SLC4A5: variants seen among roughly 807,000 people sequenced by gnomAD.
SLC4A5 encodes solute carrier family 4 member 5.
In SLC4A5, 96 loss-of-function variants were observed where a neutral mutation model predicts 120.4. The ratio of observed to expected loss-of-function variants is 0.80; its 90% confidence interval spans 0.68 to 0.94. SLC4A5 has a LOEUF of 0.94. SLC4A5 is among the 40% of genes least tolerant of loss of function. The pLI is 0.00. For synonymous variants in SLC4A5, 550 were observed against 571.1 expected, an observed-to-expected ratio of 0.96 and a Z score of 0.53; for missense variants, 1,259 against 1,459.5, an observed-to-expected ratio of 0.86 and a Z score of 2.24.
At position 74,227,801 on chromosome 2, in the gene SLC4A5, A is replaced by G. The variant is rs1694903147; in HGVS notation, c.2916+9T>C. 6.2e-7 allele frequency: 1 copy of G among 1,603,818 alleles called. No individual in the cohort carries two copies. The highest frequency in any genetic ancestry group is 1.1e-5 in the South Asian group (1 of 89,008). ...CAGATCATGAAGGGATCTGGAGGGA[A>G]AGCCTTACCTGGATGCCATTCAGGG... On this transcript the variant is annotated intron_variant, in intron 26 of 30. Transcript: ENST00000394019.
intron 7 of SLC4A5, among the ~76,000 whole-genome samples, chr2:74,296,191 T>G (rs183531104): frequency 2.0e-5 from 3 of 152,186 alleles, no homozygotes; most frequent in African/African-American, 7.2e-5. Context: ...CAGTATATGT[T>G]GAAAATTCGG....
At chr2:74,281,517 T>A (rs573370930) in intron 8 of SLC4A5, among the ~76,000 whole-genome samples, 1 of 152,356 alleles carries the variant, frequency 6.6e-6, no homozygotes, top group East Asian at 1.9e-4. Flanking sequence ...AACAGCCAGC[T>A]GCATTTCCCT....
chr2:74,289,307 C>T (rs1340108163), intron 7 of SLC4A5, among the ~76,000 whole-genome samples: 1 of 151,294 alleles, frequency 6.6e-6, no homozygotes, highest in Non-Finnish European at 1.5e-5. Context: ...TTTTAAATTT[C>T]TCAATTTTTC....
intron 28 of SLC4A5, among the ~76,000 whole-genome samples, chr2:74,223,249 C>T: frequency 6.6e-6 from 1 of 152,158 alleles, no homozygotes; most frequent in Admixed American, 6.5e-5. Context: ...TGTGATCCCC[C>T]CTGCCTCGGC....
chr2:74,285,679 A>C (rs1192928249), intron 8 of SLC4A5, 94 bp downstream of exon 8: 5 of 1,478,074 alleles, frequency 3.4e-6, no homozygotes, highest in Admixed American at 2.0e-5. Context: ...GGAAGCTCTC[A>C]AGGTACAAGG....
chr2:74,253,166 T>A, intron 14 of SLC4A5, 38 bp from the exon 15 acceptor site: 4 of 1,612,238 alleles, frequency 2.5e-6, no homozygotes, highest in Middle Eastern at 1.7e-4. Flanking sequence ...AAAGATCGGG[T>A]CTGTTTCTGA....
chr2:74,250,852 T>A (rs1410451707), intron 16 of SLC4A5: 2 of 247,638 alleles, frequency 8.1e-6, no homozygotes, highest in Non-Finnish European at 1.6e-5. Flanking sequence ...CCTGACCATC[T>A]GCAGGGTGCC....
chr2:74,312,332 C>G (rs72903265), intron 6 of SLC4A5, among the ~76,000 whole-genome samples: 12,342 of 151,674 alleles, frequency 0.081, 1,643 homozygotes, highest in African/African-American at 0.28. Context: ...CTGGGTTCAA[C>G]TGATTTCCTG....
At chr2:74,262,363 CTT>C (rs1308343671) in intron 10 of SLC4A5, 131 bp from the exon 11 acceptor site, 25,286 of 330,232 alleles carry the variant, frequency 0.077, no homozygotes, top group South Asian at 0.11. Context: ...GGAAGAAATT[CTT>C]TTTTTTTTTT....
At chr2:74,320,352 T>C (rs1308758768) in intron 5 of SLC4A5, among the ~76,000 whole-genome samples, 2 of 152,118 alleles carry the variant, frequency 1.3e-5, no homozygotes. Context: ...CCAAGTCACA[T>C]CATTATGAAG....
intron 8 of SLC4A5, among the ~76,000 whole-genome samples, chr2:74,265,734 A>G (rs1321946930): frequency 6.6e-6 from 1 of 152,182 alleles, no homozygotes; most frequent in Non-Finnish European, 1.5e-5. Flanking sequence ...TCCCTGACGA[A>G]AAGTATTTCT....
chr2:74,266,411 T>G (rs1232510051), intron 8 of SLC4A5, among the ~76,000 whole-genome samples: 2 of 152,088 alleles, frequency 1.3e-5, no homozygotes, highest in Non-Finnish European at 2.9e-5. Context: ...TGGGACTACA[T>G]GCATGCACCA....
In SLC4A5 at chr2:74,253,194, C is replaced by T. The variant is rs1031302634; in HGVS notation, c.1114-66G>A. ...GTTTCTGAAATGCCTGGGAGCATAT[C>T]ACATCTAGTTTTTAAAGGAATCCCT... is the stretch of plus-strand genomic sequence containing the variant. On this transcript the variant is annotated intron_variant, in intron 14 of 30. Coordinates refer to ENST00000394019, the Ensembl canonical transcript of SLC4A5. 17 of 1,582,200 alleles carry T rather than the reference C, an allele frequency of 1.1e-5. No homozygotes were observed. In the African/African-American group the frequency reaches 2.2e-4, roughly 20 times the overall value.
At chr2:74,338,492 C>A (rs1444960887) in intron 3 of SLC4A5, among the ~76,000 whole-genome samples, 1 of 152,216 alleles carries the variant, frequency 6.6e-6, no homozygotes, top group African/African-American at 2.4e-5. Flanking sequence ...AGCCTCGATG[C>A]AGCCAGTTTG....
At position 74,255,819 on chromosome 2, in the gene SLC4A5, C is replaced by T. The variant is rs1389022495; in HGVS notation, c.981G>A (p.Gln327=). The change falls in exon 13 of 31, where the codon CAG becomes CAA. Residue 327 remains glutamine (Q), a synonymous_variant. Transcript: ENST00000394019. This position sits in a 1 kb window ranked among gnomAD's most constrained non-coding sequence, Gnocchi z 4.0. The stretch of plus-strand genomic sequence containing the variant: ...CGGTCACTCCTCCCAGCATGGCCGA[C>T]TGGATGAGGCGCACGAACGCGATGA... The T allele has an allele frequency of 6.2e-6, 10 of 1,614,216 alleles. No homozygotes were observed. Among genetic ancestry groups the T allele is most frequent in the Non-Finnish European group, 5.9e-6 (7 of 1,180,046 alleles).
In SLC4A5 at chr2:74,229,342, C is replaced by T. The variant is rs141424538; in HGVS notation, c.2848-1464G>A. Among the ~76,000 whole-genome samples the T allele has an allele frequency of 2.3e-3, 343 of 151,522 alleles. 4 individuals carry two copies. Among genetic ancestry groups the T allele is most frequent in the African/African-American group, 7.5e-3 (309 of 41,292 alleles). On this transcript the variant is annotated intron_variant, in intron 25 of 30. Coordinates refer to ENST00000394019, the Ensembl canonical transcript of SLC4A5. ...TCGGCTCACTGCAGCCTCCACCTCC[C>T]GGGCTCAACCAATTCTCCCGTCTCA...
chr2:74,233,395 GC>G lies in SLC4A5; in HGVS notation c.2595+6del, dbSNP rs763811368. On this transcript the variant is annotated splice_donor_region_variant and intron_variant, in intron 23 of 30. Transcript: ENST00000394019. ...GGTTATGCCTCTGCTCCTAGTACCGGCCTTACCTTCAGTTTGTTCTCCTTCC... is the reference window on the plus strand; with the variant it reads ...GGTTATGCCTCTGCTCCTAGTACCGGCTTACCTTCAGTTTGTTCTCCTTCC... The G allele has an allele frequency of 3.9e-5, 63 of 1,614,092 alleles. 1 individual carries two copies. The South Asian group carries it at 6.1e-4, about 16-fold the overall frequency.
chr2:74,314,017 A>G (rs1031815342), intron 6 of SLC4A5, among the ~76,000 whole-genome samples: 2 of 152,204 alleles, frequency 1.3e-5, no homozygotes, highest in African/African-American at 4.8e-5. Flanking sequence ...CTGGCTTCTG[A>G]AAAGATAGAA....
At chr2:74,225,515 G>C (rs2103883784) in intron 27 of SLC4A5, among the ~76,000 whole-genome samples, 1 of 152,336 alleles carries the variant, frequency 6.6e-6, no homozygotes, top group Middle Eastern at 3.4e-3. Context: ...AGAATCGCTA[G>C]AAACCGGGAG....
Sources: gnomAD v4.1 joint callset for allele counts (sites outside exome capture counted in the v4.1 genomes callset) on GRCh38, gnomAD v4.1.1 for gene constraint, Gnocchi (gnomAD v3.1) non-coding constraint, MANE v1.5 for transcripts, NCBI Gene and HGNC (gene_info 2026-07-23, HGNC 2026-07-21) for gene names.